Variants in RPS6KC1 observed in about 807,000 individuals in gnomAD.
RPS6KC1 encodes the protein inactive ribosomal protein S6 kinase delta-1.
Under a neutral mutation model 103.8 loss-of-function variants are expected in RPS6KC1, and 54 were observed. That is an observed-to-expected ratio of 0.52 (90% confidence interval 0.42 to 0.65). The LOEUF (loss-of-function observed/expected upper bound fraction) is 0.65, where lower values mean the gene tolerates loss of function less well. Among genes scored for constraint, RPS6KC1 ranks in the 30% least tolerant of loss-of-function variants. RPS6KC1 has a pLI of 0.00. For synonymous variants in RPS6KC1, 439 were observed against 438.7 expected, an observed-to-expected ratio of 1.00 and a Z score of -0.01; for missense variants, 1,151 against 1,253.8, an observed-to-expected ratio of 0.92 and a Z score of 1.24.
chr1:213,051,670 G>T (rs2076961781), intron 1 of RPS6KC1, among the ~76,000 whole-genome samples, 161 bp downstream of exon 1: 1 of 152,082 alleles, frequency 6.6e-6, no homozygotes. Context: ...GGGATTTTTA[G>T]AGTAGTGGCT....
chr1:213,460,336 CTTCT>C, the RPS6KC1 span, among the ~76,000 whole-genome samples: 1 of 150,882 alleles, frequency 6.6e-6, no homozygotes, highest in African/African-American at 2.4e-5. Context: ...ATGTAATGCC[CTTCT>C]TTGTCTCTTT....
the RPS6KC1 span, chr1:213,843,538 T>C: frequency 2.6e-5 from 4 of 152,188 alleles, no homozygotes; most frequent in Non-Finnish European, 5.9e-5. Flanking sequence ...TGCAGAATAG[T>C]AGAACAAAGT....
At chr1:213,580,984 T>C in the RPS6KC1 span, among the ~76,000 whole-genome samples, 26 of 152,034 alleles carry the variant, frequency 1.7e-4, no homozygotes, top group African/African-American at 6.0e-4. Context: ...AAGATGTACA[T>C]AGGTAATTTG....
chr1:213,669,504 G>A, the RPS6KC1 span, among the ~76,000 whole-genome samples: 2 of 152,068 alleles, frequency 1.3e-5, no homozygotes, highest in Non-Finnish European at 2.9e-5. Flanking sequence ...CATAACAGAT[G>A]TACTAATAAT....
intron 12 of RPS6KC1, among the ~76,000 whole-genome samples, chr1:213,254,824 T>C (rs1180343948): frequency 6.6e-6 from 1 of 152,216 alleles, no homozygotes; most frequent in Admixed American, 6.5e-5. Context: ...TGTTTCTTAA[T>C]GCCTGTAGTG....
the RPS6KC1 span, among the ~76,000 whole-genome samples, chr1:213,815,186 T>C: frequency 6.6e-5 from 10 of 152,186 alleles, no homozygotes; most frequent in African/African-American, 1.4e-4. Flanking sequence ...TGCCACCTTG[T>C]GAAGAAGGAT....
chr1:213,555,449 T>C, the RPS6KC1 span, among the ~76,000 whole-genome samples: 1 of 152,170 alleles, frequency 6.6e-6, no homozygotes, highest in East Asian at 1.9e-4. Flanking sequence ...AATATTTCAT[T>C]TTTGCTATTT....
the RPS6KC1 span, among the ~76,000 whole-genome samples, chr1:213,810,601 T>C: frequency 6.6e-6 from 1 of 152,198 alleles, no homozygotes; most frequent in African/African-American, 2.4e-5. Flanking sequence ...ACTAGGGGAC[T>C]AAGTTTACAA....
intron 8 of RPS6KC1, among the ~76,000 whole-genome samples, chr1:213,183,664 A>G (rs2092394501): frequency 1.3e-5 from 2 of 152,266 alleles, no homozygotes; most frequent in South Asian, 2.1e-4. Flanking sequence ...GTTCAGAGAG[A>G]AACTTATAAC....
chr1:213,493,643 C>T, the RPS6KC1 span, among the ~76,000 whole-genome samples: 1 of 152,174 alleles, frequency 6.6e-6, no homozygotes, highest in Admixed American at 6.5e-5. Flanking sequence ...AATGTAGATA[C>T]TAGGGGAGTT....
At chr1:213,311,118 G>C in the RPS6KC1 span, among the ~76,000 whole-genome samples, 1 of 151,812 alleles carries the variant, frequency 6.6e-6, no homozygotes, top group Non-Finnish European at 1.5e-5. Context: ...AGAAGGACTG[G>C]TTTTCTTTTT....
At chr1:213,170,485 A>G (rs1389299752) in intron 7 of RPS6KC1, among the ~76,000 whole-genome samples, 6 of 152,254 alleles carry the variant, frequency 3.9e-5, no homozygotes, top group Admixed American at 3.3e-4. Context: ...CTGCTCTTGC[A>G]AATCCTGTAG....
chr1:213,436,647 A>T, the RPS6KC1 span, among the ~76,000 whole-genome samples: 1 of 152,270 alleles, frequency 6.6e-6, no homozygotes, highest in East Asian at 1.9e-4. Context: ...AATATTGTTT[A>T]TTCCTTTATT....
chr1:213,633,798 G>A, the RPS6KC1 span, among the ~76,000 whole-genome samples: 1 of 138,788 alleles, frequency 7.2e-6, no homozygotes, highest in Non-Finnish European at 1.5e-5. Context: ...GTATTCAGAA[G>A]ACCCATCTCA....
the RPS6KC1 span, among the ~76,000 whole-genome samples, chr1:213,802,221 A>G: frequency 6.6e-6 from 1 of 152,244 alleles, no homozygotes. Flanking sequence ...AATGGAATTG[A>G]GTAAACCAGA....
At chr1:213,142,365 T>C (rs1343684974) in intron 6 of RPS6KC1, among the ~76,000 whole-genome samples, 1 of 152,076 alleles carries the variant, frequency 6.6e-6, no homozygotes, top group Non-Finnish European at 1.5e-5. Context: ...ATTTAATCTG[T>C]TTATGTTCTT....
At chr1:213,182,732 AGATATATATAT>A (rs1366075055) in intron 8 of RPS6KC1, among the ~76,000 whole-genome samples, 4 of 149,888 alleles carry the variant, frequency 2.7e-5, no homozygotes, top group Non-Finnish European at 5.9e-5. Context: ...TAATATAATG[AGATATATATAT>A]GATATATATA....
At chr1:213,160,571 A>G (rs1056673967) in intron 6 of RPS6KC1, among the ~76,000 whole-genome samples, 1 of 152,190 alleles carries the variant, frequency 6.6e-6, no homozygotes, top group African/African-American at 2.4e-5. Context: ...ACTAAGTTAT[A>G]GAAAGAGGTA....
chr1:213,424,312 T>A, the RPS6KC1 span, among the ~76,000 whole-genome samples: 2 of 152,384 alleles, frequency 1.3e-5, no homozygotes, highest in Admixed American at 6.5e-5. Flanking sequence ...AGGTGGCTGT[T>A]AAGCTGGCTT....
Sources: gnomAD v4.1 joint callset for allele counts (sites outside exome capture counted in the v4.1 genomes callset) on GRCh38, gnomAD v4.1.1 for gene constraint, MANE v1.5 for transcripts, NCBI Gene and HGNC (gene_info 2026-07-23, HGNC 2026-07-21) for gene names.